VPS35L: variants seen among roughly 807,000 people sequenced by gnomAD.
The protein encoded by VPS35L is VPS35 endosomal protein sorting factor like.
VPS35L carries 83 observed loss-of-function variants against 133.0 expected under a neutral mutation model. The ratio of observed to expected loss-of-function variants is 0.62; its 90% confidence interval spans 0.52 to 0.75. The LOEUF is 0.75. Among genes scored for constraint, VPS35L ranks in the 30% least tolerant of loss-of-function variants. The probability of loss-of-function intolerance (pLI) is 0.00; values close to 1 mark genes in which losing one functional copy is unlikely to be tolerated. For synonymous variants in VPS35L, 423 were observed against 449.9 expected, an observed-to-expected ratio of 0.94 and a Z score of 0.76; for missense variants, 1,083 against 1,206.8, an observed-to-expected ratio of 0.90 and a Z score of 1.52.
chr16:19,573,081 G>T (rs1434938578), intron 3 of VPS35L, 38 bp from the exon 4 acceptor site: 1 of 1,599,470 alleles, frequency 6.3e-7, no homozygotes, highest in Non-Finnish European at 8.5e-7. Context: ...AGATCAAAAT[G>T]ATATTGCTGC....
intron 29 of VPS35L, among the ~76,000 whole-genome samples, chr16:19,692,182 T>A (rs1975716147): frequency 6.6e-6 from 1 of 152,140 alleles, no homozygotes; most frequent in African/African-American, 2.4e-5. Flanking sequence ...GGCCTGGACC[T>A]GGTGAGTCTT....
intron 8 of VPS35L, among the ~76,000 whole-genome samples, chr16:19,601,069 C>T (rs1347229250): frequency 6.6e-6 from 1 of 152,182 alleles, no homozygotes; most frequent in Admixed American, 6.5e-5. Context: ...GCTGAAACTA[C>T]AGGCGTGCAC....
chr16:19,655,604 G>A (rs1222037881), intron 26 of VPS35L, among the ~76,000 whole-genome samples: 1 of 152,190 alleles, frequency 6.6e-6, no homozygotes, highest in Non-Finnish European at 1.5e-5. Flanking sequence ...GCAGGCTGGC[G>A]CAGGATGCTG....
Position 19,696,073 on chromosome 16 carries a change from A to T in VPS35L, c.2647-3429A>T, listed in dbSNP as rs148378253. Among the ~76,000 whole-genome samples, 310 of 151,064 alleles carry T rather than the reference A, an allele frequency of 2.1e-3. 3 individuals are homozygous for T. Among genetic ancestry groups the T allele is most frequent in the African/African-American group, 7.3e-3 (301 of 41,238 alleles). ...AGCTAATTTTTTGTATTTCTAGTAGAGACGGGGTTTCACTGTTAGCCAGGA... is the reference window on the plus strand; with the variant it reads ...AGCTAATTTTTTGTATTTCTAGTAGTGACGGGGTTTCACTGTTAGCCAGGA... On this transcript the variant is annotated intron_variant, in intron 29 of 30. Transcript: ENST00000417362.
At position 19,591,780 on chromosome 16, in the gene VPS35L, C is replaced by G. The variant is rs965613147; in HGVS notation, c.640-10C>G. On this transcript the variant is annotated splice_polypyrimidine_tract_variant and intron_variant, in intron 7 of 30. Coordinates refer to ENST00000417362, the MANE Select transcript of VPS35L (RefSeq NM_020314.7). ...CAGAGTGAATTTTCTCTTTTTTTCTCTTTTTTTAGTGTTCAAAGCTTCTTT... is the reference window on the plus strand; with the variant it reads ...CAGAGTGAATTTTCTCTTTTTTTCTGTTTTTTTAGTGTTCAAAGCTTCTTT... 1.2e-6 allele frequency: 2 copies of G among 1,604,134 alleles called. No homozygotes were observed. The highest frequency in any genetic ancestry group is 2.7e-5 in the African/African-American group (2 of 74,544).
At chr16:19,625,043 CTCCAAAGCCATTAACAGTAT>C (rs540081259) in intron 14 of VPS35L, among the ~76,000 whole-genome samples, 60 of 151,750 alleles carry the variant, frequency 4.0e-4, no homozygotes, top group Admixed American at 8.6e-4. Context: ...CTTAAGATAG[CTCCAAAGCCATTAACAGTAT>C]TCCAATGAGT....
chr16:19,700,084 A>T (rs902229327), intron 30 of VPS35L, among the ~76,000 whole-genome samples: 2 of 152,228 alleles, frequency 1.3e-5, no homozygotes, highest in Non-Finnish European at 1.5e-5. Flanking sequence ...GTGATAGAGC[A>T]GGACCTTGTC....
rs747073011 is a variant in VPS35L at position 19,555,742 on chromosome 16, C to G, written c.13C>G (p.Pro5Ala). Reference protein sequence around the residue: MAVFPWHSRNRNYKA... With the variant: MAVFAWHSRNRNYKA... The stretch of plus-strand genomic sequence containing the variant: ...TGTGACTGGGAAGATGGCCGTCTTT[C>G]CTTGGTAAGGAAGCAGCGGCGGGTG... Residue 5 changes from proline to alanine, a missense_variant, in exon 1 of 31, where the codon CCT becomes GCT. Coordinates refer to ENST00000417362, the MANE Select transcript of VPS35L (RefSeq NM_020314.7). The G allele has an allele frequency of 1.3e-6, 2 of 1,583,534 alleles. No homozygotes were observed. The highest frequency in any genetic ancestry group is 2.7e-5 in the African/African-American group (2 of 74,004).
chr16:19,559,236 C>T (rs546837754), intron 1 of VPS35L, among the ~76,000 whole-genome samples: 1 of 152,154 alleles, frequency 6.6e-6, no homozygotes, highest in Non-Finnish European at 1.5e-5. Context: ...TGCATATAAA[C>T]CACCTGAGGA....
At chr16:19,589,763 GA>G (rs983248435) in intron 7 of VPS35L, among the ~76,000 whole-genome samples, 1 of 152,200 alleles carries the variant, frequency 6.6e-6, no homozygotes, top group Non-Finnish European at 1.5e-5. Flanking sequence ...CAGCTTGGGA[GA>G]AAATCAATGC....
rs1360692837 is a variant in VPS35L, at chr16:19,633,012, G to A, written c.1555-80G>A. ...AAGGTGTGTGATATATTCTGAATAC[G>A]TTAGTCCTTTCCCCCAGGAACATGG... On this transcript the variant is annotated intron_variant, in intron 18 of 30. Coordinates refer to ENST00000417362, the MANE Select transcript of VPS35L (RefSeq NM_020314.7). The surrounding 1 kb of genome is among the most constrained non-coding windows in gnomAD (Gnocchi z 4.1). The A allele has an allele frequency of 6.8e-6, 7 of 1,032,622 alleles. No individual in the cohort carries two copies. The highest frequency in any genetic ancestry group is 1.6e-5 in the African/African-American group (1 of 63,716). The allele number at this position is 1,032,622 out of a possible 1,614,324, so 64.0% of individuals were successfully genotyped here. A position where few individuals can be genotyped will look rare whatever the true frequency, so the allele number is the denominator to read the frequency against.
Position 19,629,701 on chromosome 16 carries a change from C to T in VPS35L, c.1501-66C>T, listed in dbSNP as rs1190145129. The T allele has an allele frequency of 2.2e-5, 32 of 1,430,414 alleles. No individual in the cohort carries two copies. In the Admixed American group the frequency reaches 4.9e-4, roughly 22 times the overall value. 88.6% of individuals were successfully genotyped at this position (1,430,414 alleles called of 1,614,324 possible). On this transcript the variant is annotated intron_variant, in intron 17 of 30. Transcript: ENST00000417362. ...ACCATTGAACAGAGCCAGCTGAAGC[C>T]TCCTGTTTGCTGTAATGCATACTAT...
At chr16:19,649,621 GCGC>G (rs1974062712) in intron 24 of VPS35L, among the ~76,000 whole-genome samples, 1 of 152,194 alleles carries the variant, frequency 6.6e-6, no homozygotes, top group African/African-American at 2.4e-5. Flanking sequence ...AAAAACGGTG[GCGC>G]CCCTGTGAGT....
intron 3 of VPS35L, among the ~76,000 whole-genome samples, chr16:19,570,038 T>C (rs1438274384): frequency 2.0e-5 from 3 of 152,130 alleles, no homozygotes; most frequent in African/African-American, 7.2e-5. Context: ...TTTTGTTTTT[T>C]TGTTTGAAAG....
intron 8 of VPS35L, among the ~76,000 whole-genome samples, chr16:19,595,672 C>A (rs1972191236): frequency 6.6e-6 from 1 of 152,212 alleles, no homozygotes; most frequent in Non-Finnish European, 1.5e-5. Context: ...GAACTCTGGG[C>A]AGCCACTCTG....
intron 29 of VPS35L, among the ~76,000 whole-genome samples, chr16:19,694,834 C>G (rs1975846114): frequency 6.6e-6 from 1 of 151,944 alleles, no homozygotes; most frequent in African/African-American, 2.4e-5. Flanking sequence ...GGTGAAACCC[C>G]ACCTCTACTA....
intron 14 of VPS35L, among the ~76,000 whole-genome samples, chr16:19,622,981 T>G (rs555632814): frequency 6.6e-6 from 1 of 152,168 alleles, no homozygotes; most frequent in African/African-American, 2.4e-5. Context: ...TGTCCCTGAT[T>G]AGTAGCAAGG....
intron 8 of VPS35L, among the ~76,000 whole-genome samples, chr16:19,594,564 A>C (rs1972141736): frequency 7.0e-6 from 1 of 141,978 alleles, no homozygotes; most frequent in African/African-American, 2.6e-5. Context: ...GAATCGCTTG[A>C]ACCCGGGAGG....
At chr16:19,565,917 A>G (rs1971174121) in intron 2 of VPS35L, among the ~76,000 whole-genome samples, 1 of 152,218 alleles carries the variant, frequency 6.6e-6, no homozygotes, top group African/African-American at 2.4e-5. Context: ...AAAAATAAAA[A>G]CAAAAGCAGG....
Sources: gnomAD v4.1 joint callset for allele counts (sites outside exome capture counted in the v4.1 genomes callset) on GRCh38, gnomAD v4.1.1 for gene constraint, Gnocchi (gnomAD v3.1) non-coding constraint, MANE v1.5 for transcripts, NCBI Gene and HGNC (gene_info 2026-07-23, HGNC 2026-07-21) for gene names.